SNX29: variants seen among roughly 807,000 people sequenced by gnomAD.
SNX29 encodes sorting nexin-29.
In SNX29, 78 loss-of-function variants were observed where a neutral mutation model predicts 102.1. That is an observed-to-expected ratio of 0.76 (90% CI 0.64 to 0.92). The LOEUF (loss-of-function observed/expected upper bound fraction) is 0.92, where lower values mean the gene tolerates loss of function less well. SNX29 is among the 40% of genes least tolerant of loss of function. The probability of loss-of-function intolerance (pLI) is 0.00; values close to 1 mark genes in which losing one functional copy is unlikely to be tolerated. For synonymous variants in SNX29, 580 were observed against 414.5 expected (o/e 1.40, Z -4.85); for missense variants, 1,280 against 1,061.7 (o/e 1.21, Z -2.86).
chr16:12,398,432 TCTC>T lies in SNX29; in HGVS notation c.1900-11_1900-9del, dbSNP rs1401236018. The T allele has an allele frequency of 1.9e-6, 3 of 1,613,956 alleles. No individual in the cohort carries two copies. The highest frequency in any genetic ancestry group is 1.3e-5 in the African/African-American group (1 of 75,044). ...TGCATTTTTTCTCCCCTCTCCCCCTTCTCCTGATGGTAGGTGCCTGGAGATTTG... is the reference window on the plus strand; with the variant it reads ...TGCATTTTTTCTCCCCTCTCCCCCTTCTGATGGTAGGTGCCTGGAGATTTG... On this transcript the variant is annotated splice_polypyrimidine_tract_variant and intron_variant, in intron 16 of 20. Transcript: ENST00000566228.
chr16:12,484,919 T>G (rs1421692820), intron 19 of SNX29, among the ~76,000 whole-genome samples: 1 of 152,238 alleles, frequency 6.6e-6, no homozygotes, highest in African/African-American at 2.4e-5. Flanking sequence ...GAACCAGGAC[T>G]GGAGTCTGTT....
At chr16:12,300,581 G>A (rs891310986) in intron 15 of SNX29, among the ~76,000 whole-genome samples, 20 of 152,172 alleles carry the variant, frequency 1.3e-4, no homozygotes, top group African/African-American at 4.8e-4. Context: ...CCCCAGCAGA[G>A]CAGCTAAAAA....
chr16:12,464,430 T>C (rs1427144668), intron 18 of SNX29, among the ~76,000 whole-genome samples: 2 of 152,096 alleles, frequency 1.3e-5, no homozygotes, highest in Non-Finnish European at 2.9e-5. Context: ...AATTTCCTTT[T>C]TTATTTTAAA....
chr16:12,396,939 C>G (rs2099115502), intron 16 of SNX29, among the ~76,000 whole-genome samples: 1 of 152,212 alleles, frequency 6.6e-6, no homozygotes, highest in African/African-American at 2.4e-5. Flanking sequence ...CAGGGTCATG[C>G]TCTGTCACCC....
At chr16:12,314,805 C>T (rs2080678442) in intron 15 of SNX29, among the ~76,000 whole-genome samples, 2 of 152,178 alleles carry the variant, frequency 1.3e-5, no homozygotes, top group Admixed American at 1.3e-4. Flanking sequence ...AAAGAAGCAG[C>T]AGGAAGAATA....
chr16:12,571,706 C>A lies in SNX29; in HGVS notation c.*3077C>A, dbSNP rs2079191405. ...TCTCCTTGAGAGACAACAAAAGCTT[C>A]TAAGGGAGGGAGCTTAAAGGCTGCT... On this transcript the variant is annotated 3_prime_UTR_variant, in exon 21 of 21. Coordinates refer to ENST00000566228, the MANE Select transcript of SNX29 (RefSeq NM_032167.5). 9.4e-7 allele frequency: 1 copy of A among 1,059,334 alleles called. No individual in the cohort carries two copies. Among genetic ancestry groups the A allele is most frequent in the Non-Finnish European group, 1.1e-6 (1 of 875,176 alleles). 65.6% of individuals were successfully genotyped at this position (1,059,334 alleles called of 1,614,324 possible).
intron 15 of SNX29, among the ~76,000 whole-genome samples, chr16:12,305,479 T>G (rs2151113971): frequency 6.6e-6 from 1 of 152,240 alleles, no homozygotes; most frequent in Middle Eastern, 3.4e-3. Flanking sequence ...CTGGGCACAC[T>G]TGACCATCTT....
At chr16:12,520,026 A>AAT (rs2090036713) in intron 19 of SNX29, among the ~76,000 whole-genome samples, 3 of 151,632 alleles carry the variant, frequency 2.0e-5, no homozygotes, top group African/African-American at 7.3e-5. Flanking sequence ...ATAATAATAA[A>AAT]AAAGTAAGAA....
At chr16:12,494,912 C>G (rs543156641) in intron 19 of SNX29, among the ~76,000 whole-genome samples, 3 of 152,178 alleles carry the variant, frequency 2.0e-5, no homozygotes, top group Non-Finnish European at 4.4e-5. Flanking sequence ...AGAATGGTGG[C>G]TATTTATTGA....
At chr16:12,533,229 T>C (rs986695191) in intron 20 of SNX29, among the ~76,000 whole-genome samples, 2 of 152,256 alleles carry the variant, frequency 1.3e-5, no homozygotes, top group Admixed American at 1.3e-4. Flanking sequence ...GCTGCTGTTT[T>C]GCCCAAAGGG....
At chr16:12,503,905 A>G (rs2089245416) in intron 19 of SNX29, among the ~76,000 whole-genome samples, 1 of 152,194 alleles carries the variant, frequency 6.6e-6, no homozygotes, top group Non-Finnish European at 1.5e-5. Context: ...TTAAGATAAA[A>G]TTCACACACC....
intron 13 of SNX29, among the ~76,000 whole-genome samples, chr16:12,196,195 C>A (rs1240725210): frequency 6.6e-6 from 1 of 151,938 alleles, no homozygotes; most frequent in East Asian, 1.9e-4. Context: ...AGGCTGTTGT[C>A]CTGGGCTCAA....
At chr16:12,415,890 C>G (rs938178669) in intron 18 of SNX29, among the ~76,000 whole-genome samples, 1 of 152,146 alleles carries the variant, frequency 6.6e-6, no homozygotes, top group African/African-American at 2.4e-5. Flanking sequence ...CTCTTAAACC[C>G]CATCTCCCCT....
At chr16:12,235,747 TAAACAC>T (rs1220408166) in intron 14 of SNX29, among the ~76,000 whole-genome samples, 1 of 152,000 alleles carries the variant, frequency 6.6e-6, no homozygotes, top group Non-Finnish European at 1.5e-5. Flanking sequence ...ACAGAAAACT[TAAACAC>T]AATAAAGGTG....
At chr16:12,303,429 T>C (rs766637860) in intron 15 of SNX29, among the ~76,000 whole-genome samples, 7 of 152,214 alleles carry the variant, frequency 4.6e-5, no homozygotes, top group Non-Finnish European at 1.0e-4. Flanking sequence ...ACCTCAGCTG[T>C]GCACATCAGT....
chr16:12,531,805 G>A (rs184127), intron 20 of SNX29, among the ~76,000 whole-genome samples: 10,380 of 152,256 alleles, frequency 0.068, 474 homozygotes, highest in African/African-American at 0.13. Flanking sequence ...GCCAGGCGAG[G>A]GCAGAGTGAA....
chr16:12,174,113 G>A (rs1358039479), intron 13 of SNX29, among the ~76,000 whole-genome samples: 1 of 152,174 alleles, frequency 6.6e-6, no homozygotes, highest in East Asian at 1.9e-4. Flanking sequence ...TTCTGCAGAA[G>A]CAAGTCTGAA....
rs150180988 is a variant in SNX29 at position 12,327,213 on chromosome 16, C to G, written c.1783-28950C>G. Among the ~76,000 whole-genome samples the G allele has an allele frequency of 8.3e-3, 1,259 of 152,182 alleles. 20 individuals carry two copies. The highest frequency in any genetic ancestry group is 0.028 in the African/African-American group (1,157 of 41,520). ...CTGTCTTGGTCAGTATCAGTGAAAT[C>G]GCAGCCCCCATAAAGCTTCCTTTCT... On this transcript the variant is annotated intron_variant, in intron 15 of 20. Transcript: ENST00000566228.
chr16:12,248,097 C>A (rs1401252533), intron 14 of SNX29, among the ~76,000 whole-genome samples: 1 of 152,222 alleles, frequency 6.6e-6, no homozygotes, highest in Non-Finnish European at 1.5e-5. Context: ...TCCTGTGAGG[C>A]TTCTCTGTAG....
Sources: gnomAD v4.1 joint callset for allele counts (sites outside exome capture counted in the v4.1 genomes callset) on GRCh38, gnomAD v4.1.1 for gene constraint, MANE v1.5 for transcripts, NCBI Gene and HGNC (gene_info 2026-07-23, HGNC 2026-07-21) for gene names.